The following ADAMTSL3 variants were observed in gnomAD, a reference collection of about 807,000 sequenced individuals.
ADAMTSL3 encodes ADAMTS like 3.
Under a neutral mutation model 201.7 loss-of-function variants are expected in ADAMTSL3, and 128 were observed. The observed-to-expected ratio is 0.63, with a 90% confidence interval of 0.55 to 0.73. ADAMTSL3 has a LOEUF of 0.73. Ranked by LOEUF, ADAMTSL3 falls within the 30% of genes least tolerant of loss-of-function variation. The pLI is 0.00. For missense variants in ADAMTSL3, 1,990 were observed against 2,119.6 expected (o/e 0.94, Z 1.20); for synonymous variants, 738 against 748.4 (o/e 0.99, Z 0.23).
intron 29 of ADAMTSL3, among the ~76,000 whole-genome samples, 188 bp downstream of exon 29, chr15:84,037,175 A>T (rs922436200): frequency 6.6e-6 from 1 of 152,114 alleles, no homozygotes; most frequent in Admixed American, 6.6e-5. Flanking sequence ...GTGCAGCTGC[A>T]TGTTCTCTAG....
intron 19 of ADAMTSL3, among the ~76,000 whole-genome samples, chr15:83,962,002 C>T (rs1025026055): frequency 6.6e-6 from 1 of 152,112 alleles, no homozygotes; most frequent in Non-Finnish European, 1.5e-5. Context: ...TTGTAGTTCC[C>T]ATAATTCCCA....
chr15:83,795,641 G>A (rs58836704), intron 4 of ADAMTSL3, among the ~76,000 whole-genome samples: 13,474 of 152,082 alleles, frequency 0.089, 747 homozygotes, highest in East Asian at 0.24. Context: ...AAAATTCCAC[G>A]TTGGAACAGT....
intron 23 of ADAMTSL3, among the ~76,000 whole-genome samples, chr15:83,994,815 G>T (rs2067656677): frequency 7.4e-6 from 1 of 135,740 alleles, no homozygotes; most frequent in Non-Finnish European, 1.6e-5. Flanking sequence ...TCACCATGTT[G>T]CCCAGGCTGG....
chr15:83,932,501 G>A lies in ADAMTSL3; in HGVS notation c.2117+8468G>A, dbSNP rs530681939. On this transcript the variant is annotated intron_variant, in intron 17 of 29. Coordinates refer to ENST00000286744, the MANE Select transcript of ADAMTSL3 (RefSeq NM_207517.3). ...ATGGAGATTCCCCATACAAAGCCAG[G>A]GTCTACCTCAATGGAAAGGCAAATT... Among the ~76,000 whole-genome samples, 12 of 152,190 alleles carry A rather than the reference G, an allele frequency of 7.9e-5. No homozygotes were observed. In the East Asian group the frequency reaches 2.1e-3, roughly 27 times the overall value.
chr15:83,756,608 C>CT (rs1450723589), intron 3 of ADAMTSL3, among the ~76,000 whole-genome samples: 2 of 151,502 alleles, frequency 1.3e-5, no homozygotes, highest in Non-Finnish European at 3.0e-5. Flanking sequence ...TGCCCCCCCC[C>CT]CAAATCTCAT....
intron 20 of ADAMTSL3, among the ~76,000 whole-genome samples, chr15:83,974,912 C>T (rs2142138466): frequency 6.6e-6 from 1 of 151,784 alleles, no homozygotes; most frequent in African/African-American, 2.4e-5. Flanking sequence ...AAAAATATGC[C>T]TCAGCCCCTT....
At chr15:83,976,639 G>A (rs1291968878) in intron 20 of ADAMTSL3, among the ~76,000 whole-genome samples, 1 of 151,832 alleles carries the variant, frequency 6.6e-6, no homozygotes, top group Non-Finnish European at 1.5e-5. Flanking sequence ...TAAGGAGCCC[G>A]CAACCTAGAT....
At chr15:83,723,261 C>T (rs1318359798) in intron 3 of ADAMTSL3, among the ~76,000 whole-genome samples, 1 of 152,098 alleles carries the variant, frequency 6.6e-6, no homozygotes, top group African/African-American at 2.4e-5. Context: ...ACTCCCCCAC[C>T]TCCAGCAATT....
intron 23 of ADAMTSL3, among the ~76,000 whole-genome samples, chr15:83,996,268 C>T (rs1434442226): frequency 6.6e-6 from 1 of 152,102 alleles, no homozygotes; most frequent in Admixed American, 6.5e-5. Flanking sequence ...CAGAGTTATA[C>T]TTTTAAAGGG....
At chr15:83,708,663 T>G (rs992464240) in intron 3 of ADAMTSL3, among the ~76,000 whole-genome samples, 1 of 152,208 alleles carries the variant, frequency 6.6e-6, no homozygotes, top group Non-Finnish European at 1.5e-5. Flanking sequence ...TCTTTATTTC[T>G]TTTAAAAAAC....
chr15:83,689,375 C>T (rs1381559747), intron 2 of ADAMTSL3, among the ~76,000 whole-genome samples: 1 of 152,158 alleles, frequency 6.6e-6, no homozygotes, highest in Non-Finnish European at 1.5e-5. Flanking sequence ...GTATGCACAG[C>T]AAAGGTGAAT....
At chr15:83,975,215 G>A (rs1456272160) in intron 20 of ADAMTSL3, among the ~76,000 whole-genome samples, 1 of 151,616 alleles carries the variant, frequency 6.6e-6, no homozygotes, top group Non-Finnish European at 1.5e-5. Context: ...TGTTAGCCAG[G>A]ATGGTCTTGA....
chr15:83,903,163 T>A (rs556875123), intron 15 of ADAMTSL3, among the ~76,000 whole-genome samples: 1 of 152,062 alleles, frequency 6.6e-6, no homozygotes, highest in Non-Finnish European at 1.5e-5. Context: ...AATGTGGTGA[T>A]TTCCAGGCCC....
intron 20 of ADAMTSL3, among the ~76,000 whole-genome samples, chr15:83,979,810 CT>C (rs1222635489): frequency 6.6e-6 from 1 of 152,220 alleles, no homozygotes; most frequent in African/African-American, 2.4e-5. Flanking sequence ...TTTCCCTTCC[CT>C]CTTGACCAGC....
intron 5 of ADAMTSL3, among the ~76,000 whole-genome samples, chr15:83,811,523 T>C (rs2063696836): frequency 6.6e-6 from 1 of 152,228 alleles, no homozygotes; most frequent in Non-Finnish European, 1.5e-5. Context: ...AAATGTAATC[T>C]GCTAAAATTA....
intron 3 of ADAMTSL3, among the ~76,000 whole-genome samples, chr15:83,756,948 C>T (rs7179147): frequency 0.2 from 30,874 of 152,194 alleles, 4,102 homozygotes; most frequent in Middle Eastern, 0.37. Flanking sequence ...ATCCAGGTCA[C>T]GCTGATGCAA....
chr15:83,924,251 T>C (rs576028693), intron 17 of ADAMTSL3, among the ~76,000 whole-genome samples: 208 of 152,380 alleles, frequency 1.4e-3, no homozygotes, highest in Non-Finnish European at 2.3e-3. Flanking sequence ...GGCTGACTTT[T>C]GTTTGCATCG....
intron 14 of ADAMTSL3, among the ~76,000 whole-genome samples, chr15:83,899,387 A>T (rs1405712589): frequency 1.3e-5 from 2 of 151,226 alleles, no homozygotes; most frequent in Admixed American, 1.3e-4. Flanking sequence ...AGGCATTTTT[A>T]TGTTAACTTT....
intron 3 of ADAMTSL3, among the ~76,000 whole-genome samples, chr15:83,712,087 C>A (rs1168992856): frequency 6.6e-5 from 10 of 152,176 alleles, no homozygotes; most frequent in Admixed American, 6.5e-4. Context: ...TCCCTACTCA[C>A]ATATCCTCAC....
Sources: allele counts gnomAD v4.1 joint callset (sites outside exome capture counted in the v4.1 genomes callset), GRCh38; gene constraint gnomAD v4.1.1; transcripts MANE v1.5; gene names NCBI Gene and HGNC (gene_info 2026-07-23, HGNC 2026-07-21).